The following FHOD3 variants were observed in gnomAD, a reference collection of about 807,000 sequenced individuals.
The protein encoded by FHOD3 is formin homology 2 domain containing 3.
Under a neutral mutation model 173.0 loss-of-function variants are expected in FHOD3, and 90 were observed. The observed-to-expected ratio is 0.52, with a 90% CI of 0.44 to 0.62. The LOEUF is 0.62. Among genes scored for constraint, FHOD3 ranks in the 20% least tolerant of loss-of-function variants. The probability of loss-of-function intolerance (pLI) is 0.00; values close to 1 mark genes in which losing one functional copy is unlikely to be tolerated. For synonymous variants in FHOD3, 828 were observed against 823.0 expected, an observed-to-expected ratio of 1.01 and a Z score of -0.10; for missense variants, 1,945 against 2,034.7, an observed-to-expected ratio of 0.96 and a Z score of 0.85.
At chr18:36,422,015 A>T (rs2050010957) in intron 3 of FHOD3, among the ~76,000 whole-genome samples, 1 of 152,130 alleles carries the variant, frequency 6.6e-6, no homozygotes, top group African/African-American at 2.4e-5. Flanking sequence ...TCCATATTTA[A>T]TTTTTTTGAA....
intron 8 of FHOD3, among the ~76,000 whole-genome samples, chr18:36,604,593 A>G (rs1236854400): frequency 2.0e-5 from 3 of 152,208 alleles, no homozygotes; most frequent in Admixed American, 6.5e-5. Flanking sequence ...TACTTTAACC[A>G]TACACCACAG....
intron 6 of FHOD3, among the ~76,000 whole-genome samples, chr18:36,578,067 A>G (rs1336730736): frequency 1.3e-5 from 2 of 152,198 alleles, no homozygotes; most frequent in African/African-American, 4.8e-5. Flanking sequence ...GAGGGCCTGG[A>G]TACAGAATTT....
At chr18:36,769,040 G>A (rs1410698172) in intron 27 of FHOD3, among the ~76,000 whole-genome samples, 1 of 152,172 alleles carries the variant, frequency 6.6e-6, no homozygotes, top group Non-Finnish European at 1.5e-5. Context: ...CCCCGCGTAT[G>A]GGTTTGCTCA....
intron 24 of FHOD3, 42 bp from the exon 25 acceptor site, chr18:36,755,073 ATTTC>A (rs1600574009): frequency 1.5e-6 from 2 of 1,314,494 alleles, no homozygotes. Flanking sequence ...AGTAATTTTT[ATTTC>A]TTAAAACGGA....
intron 3 of FHOD3, among the ~76,000 whole-genome samples, chr18:36,375,405 G>A (rs1045567908): frequency 2.6e-5 from 4 of 152,194 alleles, no homozygotes; most frequent in Admixed American, 1.3e-4. Flanking sequence ...CCCTGAAGAC[G>A]TTCCTTCCAC....
intron 5 of FHOD3, among the ~76,000 whole-genome samples, chr18:36,567,480 T>C (rs1234094349): frequency 6.6e-6 from 1 of 152,018 alleles, no homozygotes; most frequent in Admixed American, 6.5e-5. Flanking sequence ...TAAGATGGAG[T>C]AAGTACACAG....
At chr18:36,536,486 G>T (rs1428777779) in intron 5 of FHOD3, among the ~76,000 whole-genome samples, 1 of 152,224 alleles carries the variant, frequency 6.6e-6, no homozygotes, top group East Asian at 1.9e-4. Flanking sequence ...GTAGACAGGG[G>T]TCACATCGCT....
At chr18:36,748,320 C>G (rs1199380455) in intron 24 of FHOD3, among the ~76,000 whole-genome samples, 1 of 151,592 alleles carries the variant, frequency 6.6e-6, no homozygotes, top group Non-Finnish European at 1.5e-5. Context: ...GCCCTCCATG[C>G]TTTGTATGAT....
chr18:36,391,819 A>G (rs1052519346), intron 3 of FHOD3, among the ~76,000 whole-genome samples: 1 of 152,130 alleles, frequency 6.6e-6, no homozygotes, highest in African/African-American at 2.4e-5. Flanking sequence ...TTTCCAGACA[A>G]ACCATGTGGC....
intron 10 of FHOD3, among the ~76,000 whole-genome samples, chr18:36,641,049 T>C (rs1364862966): frequency 1.3e-5 from 2 of 152,114 alleles, no homozygotes; most frequent in Admixed American, 1.3e-4. Context: ...TCCAAGTAAT[T>C]GTCAATCTTG....
At chr18:36,546,548 C>T (rs754307686) in intron 5 of FHOD3, among the ~76,000 whole-genome samples, 6 of 152,076 alleles carry the variant, frequency 3.9e-5, no homozygotes, top group Non-Finnish European at 8.8e-5. Context: ...TGTTAGTGAG[C>T]GACTCTAGGA....
At chr18:36,529,187 G>A (rs1205687263) in intron 5 of FHOD3, among the ~76,000 whole-genome samples, 1 of 152,158 alleles carries the variant, frequency 6.6e-6, no homozygotes, top group African/African-American at 2.4e-5. Context: ...CTTTTGATGG[G>A]GCATTCTTGT....
chr18:36,432,285 A>AT (rs754318469), intron 3 of FHOD3, among the ~76,000 whole-genome samples: 6 of 151,938 alleles, frequency 3.9e-5, no homozygotes, highest in African/African-American at 1.5e-4. Flanking sequence ...TAGTTTAAAG[A>AT]TTTTTTCTTT....
chr18:36,702,250 C>T (rs1436957480), intron 17 of FHOD3, among the ~76,000 whole-genome samples: 1 of 152,106 alleles, frequency 6.6e-6, no homozygotes, highest in East Asian at 1.9e-4. Flanking sequence ...GAGTAGAAAC[C>T]AGGGATTCTG....
At chr18:36,630,274 CA>C (rs2034418361) in intron 10 of FHOD3, among the ~76,000 whole-genome samples, 1 of 152,166 alleles carries the variant, frequency 6.6e-6, no homozygotes, top group Non-Finnish European at 1.5e-5. Flanking sequence ...TGGCATTTTA[CA>C]AACAAATGTC....
chr18:36,658,137 C>G lies in FHOD3; in HGVS notation c.1784C>G (p.Pro595Arg). The G allele has an allele frequency of 6.3e-7, 1 of 1,592,906 alleles. No individual in the cohort carries two copies. Among genetic ancestry groups the G allele is most frequent in the Non-Finnish European group, 8.5e-7 (1 of 1,172,390 alleles). Residue 595 changes from proline (P) to arginine (R), a missense_variant, in exon 14 of 29, where the codon CCC becomes CGC. By Grantham distance (103) the Pro-to-Arg change is moderately radical. Transcript: ENST00000590592. ...SSRPSSGSSV[P>R]TTPTSSVSPP... ...AGACCCTCATCTGGATCCAGTGTGC[C>G]CACCACCCCCACATCATCCGTCTCA... is the stretch of plus-strand genomic sequence containing the variant.
rs1194666307 is a variant in FHOD3 at position 36,508,396 on chromosome 18, G to C, written c.406-4042G>C. Among the ~76,000 whole-genome samples the C allele has an allele frequency of 2.0e-5, 3 of 152,060 alleles. No homozygotes were observed. In the East Asian group the frequency reaches 5.8e-4, roughly 29 times the overall value. ...TCCTTGGAGAAGTGGCTGATTCCAA[G>C]TCTGGAGTAGGAAACGTAATAAAAT... is the stretch of plus-strand genomic sequence containing the variant. On this transcript the variant is annotated intron_variant, in intron 4 of 28. Coordinates refer to ENST00000590592, the MANE Select transcript of FHOD3 (RefSeq NM_001281740.3).
At chr18:36,534,562 A>G (rs2056917522) in intron 5 of FHOD3, among the ~76,000 whole-genome samples, 1 of 151,744 alleles carries the variant, frequency 6.6e-6, no homozygotes, top group Admixed American at 6.6e-5. Flanking sequence ...GCTGGAGTGC[A>G]GTGTTGCGAT....
At chr18:36,611,780 A>C (rs1362321879) in intron 8 of FHOD3, among the ~76,000 whole-genome samples, 172 bp from the exon 9 acceptor site, 1 of 152,232 alleles carries the variant, frequency 6.6e-6, no homozygotes, top group Non-Finnish European at 1.5e-5. Context: ...ATTGGGGTTC[A>C]TTCTGCCTGC....
Sources: allele counts gnomAD v4.1 joint callset (sites outside exome capture counted in the v4.1 genomes callset), GRCh38; gene constraint gnomAD v4.1.1; transcripts MANE v1.5; gene names NCBI Gene and HGNC (gene_info 2026-07-23, HGNC 2026-07-21).